Variants in SMAD9 observed in about 807,000 individuals in gnomAD.
The protein encoded by SMAD9 is SMAD family member 9, also known as MAD homolog 9.
In SMAD9, 36 loss-of-function variants were observed where a neutral mutation model predicts 46.1. That is an observed-to-expected ratio of 0.78 (90% CI 0.60 to 1.03). The LOEUF (loss-of-function observed/expected upper bound fraction) is 1.03, where lower values mean the gene tolerates loss of function less well. Ranked by LOEUF, SMAD9 falls within the 50% of genes least tolerant of loss-of-function variation. SMAD9 has a pLI of 0.00. For missense variants in SMAD9, 572 were observed against 599.8 expected, an observed-to-expected ratio of 0.95 and a Z score of 0.48; for synonymous variants, 245 against 237.1, an observed-to-expected ratio of 1.03 and a Z score of -0.31.
In SMAD9 at chr13:36,867,314, G is replaced by A. The variant is rs774408666; in HGVS notation, c.740C>T (p.Ala247Val). ...SETQSGQPVD[A>V]TADRHVVLSI... ...TAGCACTACATGTCTATCAGCTGTG[G>A]CATCTACAGGTTGGCCACTCTGGGT... Residue 247 changes from alanine to valine, a missense_variant, in exon 4 of 7, where the codon GCC becomes GTC. Ala to Val is a moderately conservative substitution (Grantham distance 64). Coordinates refer to ENST00000379826, the MANE Select transcript of SMAD9 (RefSeq NM_001127217.3). The A allele has an allele frequency of 3.2e-6, 5 of 1,550,964 alleles. No homozygotes were observed. Among genetic ancestry groups the A allele is most frequent in the Non-Finnish European group, 3.5e-6 (4 of 1,146,554 alleles).
Position 36,913,342 on chromosome 13 carries a change from G to C in SMAD9, c.-187+6774C>G, listed in dbSNP as rs1009786933. On this transcript the variant is annotated intron_variant, in intron 1 of 6. Transcript: ENST00000379826. ...TTTTGTCACTTCATTTCGTTGTGTAGTCCCCAGGGCCTGTTCTGGGGCCTC... is the reference window on the plus strand; with the variant it reads ...TTTTGTCACTTCATTTCGTTGTGTACTCCCCAGGGCCTGTTCTGGGGCCTC... Among the ~76,000 whole-genome samples the C allele has an allele frequency of 2.0e-5, 3 of 152,052 alleles. No homozygotes were observed. The East Asian group carries it at 5.8e-4, about 29-fold the overall frequency.
At chr13:36,880,832 A>C (rs1162589233) in intron 1 of SMAD9, among the ~76,000 whole-genome samples, 1 of 152,226 alleles carries the variant, frequency 6.6e-6, no homozygotes, top group Non-Finnish European at 1.5e-5. Flanking sequence ...CAATGTTTTA[A>C]ATAAAAATAT....
At chr13:36,895,814 T>C (rs545309319) in intron 1 of SMAD9, among the ~76,000 whole-genome samples, 16 of 152,276 alleles carry the variant, frequency 1.1e-4, no homozygotes, top group African/African-American at 3.1e-4. Flanking sequence ...TTGAAGACAT[T>C]AGAAGGATTT....
At position 36,865,716 on chromosome 13, in the gene SMAD9, G is replaced by A. The variant is rs368154262; in HGVS notation, c.824C>T (p.Ser275Leu). Residue 275 changes from serine to leucine, a missense_variant, in exon 5 of 7, where the codon TCG becomes TTG. By Grantham distance (145) the Ser-to-Leu change is moderately radical. Transcript: ENST00000379826. The stretch of plus-strand genomic sequence containing the variant: ...GTTGTTCAGTTCATAGTAGGCGACC[G>A]AGCACCAGTGCTGGGGCTCCTCGTA... The part of the protein sequence containing the change: ...VCYEEPQHWC[S>L]VAYYELNNRV... 134 of 1,613,976 alleles carry A rather than the reference G, an allele frequency of 8.3e-5. No individual in the cohort carries two copies. The highest frequency in any genetic ancestry group is 1.1e-4 in the Non-Finnish European group (126 of 1,180,022).
intron 3 of SMAD9, among the ~76,000 whole-genome samples, chr13:36,870,352 T>C (rs2058279071): frequency 6.6e-6 from 1 of 152,220 alleles, no homozygotes; most frequent in African/African-American, 2.4e-5. Flanking sequence ...GTATTTCTTC[T>C]TTCTCAGTGA....
At chr13:36,862,058 C>G (rs923776176) in intron 5 of SMAD9, among the ~76,000 whole-genome samples, 1 of 152,042 alleles carries the variant, frequency 6.6e-6, no homozygotes, top group Non-Finnish European at 1.5e-5. Context: ...TGGAAGGCCC[C>G]GCAACAATTT....
chr13:36,911,305 T>G (rs1016309625), intron 1 of SMAD9, among the ~76,000 whole-genome samples: 2 of 152,084 alleles, frequency 1.3e-5, no homozygotes, highest in Non-Finnish European at 2.9e-5. Context: ...CCATTGCACC[T>G]GGCCAACTAT....
At chr13:36,885,709 C>T (rs1342450275) in intron 1 of SMAD9, among the ~76,000 whole-genome samples, 2 of 151,146 alleles carry the variant, frequency 1.3e-5, no homozygotes, top group Admixed American at 6.6e-5. Context: ...TCTAGGGGGC[C>T]GTAGAGAGAT....
At chr13:36,858,665 C>A (rs2058149866) in intron 5 of SMAD9, among the ~76,000 whole-genome samples, 1 of 152,138 alleles carries the variant, frequency 6.6e-6, no homozygotes, top group East Asian at 1.9e-4. Flanking sequence ...CCATGCCCAC[C>A]CCATCCTCAC....
At chr13:36,892,646 C>A (rs370801732) in intron 1 of SMAD9, among the ~76,000 whole-genome samples, 4 of 152,108 alleles carry the variant, frequency 2.6e-5, no homozygotes, top group Non-Finnish European at 4.4e-5. Flanking sequence ...TCAGGAACGA[C>A]GGAGCTGTTT....
At chr13:36,868,775 AC>A (rs1382753723) in intron 3 of SMAD9, among the ~76,000 whole-genome samples, 2 of 152,188 alleles carry the variant, frequency 1.3e-5, no homozygotes, top group African/African-American at 4.8e-5. Context: ...AAATAGAATT[AC>A]CATATAATGT....
chr13:36,852,613 T>C (rs2058083951), intron 6 of SMAD9: 1 of 960,854 alleles, frequency 1.0e-6, no homozygotes, highest in Non-Finnish European at 1.2e-6. Context: ...TTCCAAATTG[T>C]TTATACCTTT....
intron 3 of SMAD9, 83 bp from the exon 4 acceptor site, chr13:36,867,466 A>T (rs565616396): frequency 1.1e-6 from 1 of 892,644 alleles, no homozygotes; most frequent in Non-Finnish European, 1.7e-6. Flanking sequence ...TTTGCCATTA[A>T]ACTCCTGAGC....
At chr13:36,853,379 T>C in intron 6 of SMAD9, 40 bp downstream of exon 6, 1 of 1,610,274 alleles carries the variant, frequency 6.2e-7, no homozygotes, top group Non-Finnish European at 8.5e-7. Flanking sequence ...GTTTTGTTTT[T>C]CACTGAACAT....
chr13:36,871,536 T>TA (rs1247613183), intron 3 of SMAD9, among the ~76,000 whole-genome samples: 1 of 149,144 alleles, frequency 6.7e-6, no homozygotes, highest in African/African-American at 2.6e-5. Flanking sequence ...AAATAAAAAA[T>TA]AAAAATAAAT....
At chr13:36,919,671 G>A (rs1349956091) in intron 1 of SMAD9, among the ~76,000 whole-genome samples, 3 of 138,142 alleles carry the variant, frequency 2.2e-5, no homozygotes, top group Non-Finnish European at 4.6e-5. Flanking sequence ...CCCACGCCCC[G>A]GGCCCCAGCC....
intron 2 of SMAD9, among the ~76,000 whole-genome samples, chr13:36,876,125 T>C (rs1006394843): frequency 1.3e-5 from 2 of 152,172 alleles, no homozygotes; most frequent in Non-Finnish European, 2.9e-5. Flanking sequence ...CAGACACTCA[T>C]GCCTATCTTA....
rs1308429505 is a variant in SMAD9 at position 36,845,000 on chromosome 13, G to A, written c.*3676C>T. ...TTAATTTGAATTTAACATATGCTAG[G>A]ATCACCTAAACTTGTCATACAGTTC... On this transcript the variant is annotated 3_prime_UTR_variant, in exon 7 of 7. Coordinates refer to ENST00000379826, the MANE Select transcript of SMAD9 (RefSeq NM_001127217.3). The A allele has an allele frequency of 6.6e-6, 1 of 152,038 alleles. No individual in the cohort carries two copies. Among genetic ancestry groups the A allele is most frequent in the African/African-American group, 2.4e-5 (1 of 41,388 alleles). 9.4% of individuals were successfully genotyped at this position (152,038 alleles called of 1,614,324 possible). A position where few individuals can be genotyped will look rare whatever the true frequency, so the allele number is the denominator to read the frequency against.
intron 2 of SMAD9, among the ~76,000 whole-genome samples, chr13:36,878,269 C>T (rs1450182919): frequency 6.6e-6 from 1 of 152,048 alleles, no homozygotes; most frequent in East Asian, 1.9e-4. Flanking sequence ...CTTGAGGGAC[C>T]AATATAAGAC....
Sources: allele counts gnomAD v4.1 joint callset (sites outside exome capture counted in the v4.1 genomes callset), GRCh38; gene constraint gnomAD v4.1.1; transcripts MANE v1.5; gene names NCBI Gene and HGNC (gene_info 2026-07-23, HGNC 2026-07-21).